The following FMN2 variants were observed in gnomAD, a reference collection of about 807,000 sequenced individuals.
The protein encoded by FMN2 is formin 2.
A neutral mutation model predicts 142.3 loss-of-function variants in FMN2; 51 were observed. That is an observed-to-expected ratio of 0.36 (90% CI 0.29 to 0.45). The LOEUF (loss-of-function observed/expected upper bound fraction) is 0.45. Among genes scored for constraint, FMN2 ranks in the 20% least tolerant of loss-of-function variants. The pLI is 1.00. For missense variants in FMN2, 1,936 were observed against 2,122.8 expected (o/e 0.91, Z 1.73); for synonymous variants, 882 against 869.8 (o/e 1.01, Z -0.25).
chr1:240,454,456 C>T (rs10926269), intron 16 of FMN2, among the ~76,000 whole-genome samples: 113,273 of 152,046 alleles, frequency 0.74, 42,362 homozygotes, highest in Middle Eastern at 0.82. Context: ...GCATGAGGCT[C>T]ACTTGAACCC....
At chr1:240,268,991 C>G (rs191049221) in intron 7 of FMN2, among the ~76,000 whole-genome samples, 1 of 152,102 alleles carries the variant, frequency 6.6e-6, no homozygotes, top group East Asian at 1.9e-4. Flanking sequence ...AATATTTTCT[C>G]CCAATTTGTG....
chr1:240,439,889 A>G (rs529289362), intron 16 of FMN2, among the ~76,000 whole-genome samples: 6 of 152,276 alleles, frequency 3.9e-5, no homozygotes, highest in African/African-American at 1.4e-4. Context: ...CTAAGTCCCT[A>G]CATTCCTCCT....
intron 16 of FMN2, among the ~76,000 whole-genome samples, chr1:240,445,342 G>A (rs984846823): frequency 1.3e-4 from 20 of 152,184 alleles, no homozygotes; most frequent in Non-Finnish European, 2.6e-4. Flanking sequence ...TGAAATCAGT[G>A]CTATGAGGAA....
At chr1:240,113,505 CCGAGATCA>C (rs1438761277) in intron 1 of FMN2, among the ~76,000 whole-genome samples, 1 of 145,888 alleles carries the variant, frequency 6.9e-6, no homozygotes, top group African/African-American at 2.6e-5. Context: ...TCGCAGTGAG[CCGAGATCA>C]CGACACTGCA....
At chr1:240,425,678 T>C (rs1477184003) in intron 15 of FMN2, among the ~76,000 whole-genome samples, 4 of 152,184 alleles carry the variant, frequency 2.6e-5, no homozygotes, top group Non-Finnish European at 4.4e-5. Flanking sequence ...AAGCATATAT[T>C]TGGTAAGCAG....
At chr1:240,400,289 A>G (rs1172709579) in intron 15 of FMN2, among the ~76,000 whole-genome samples, 1 of 152,174 alleles carries the variant, frequency 6.6e-6, no homozygotes, top group Non-Finnish European at 1.5e-5. Flanking sequence ...GTAGGGATCC[A>G]TGAATATATG....
intron 7 of FMN2, 126 bp downstream of exon 7, chr1:240,258,158 A>T (rs2102898063): frequency 3.1e-6 from 2 of 651,618 alleles, no homozygotes; most frequent in Non-Finnish European, 5.2e-6. Context: ...TATATCCCGT[A>T]AGTGTGATCA....
At chr1:240,098,793 G>A (rs1661310464) in intron 1 of FMN2, among the ~76,000 whole-genome samples, 1 of 152,096 alleles carries the variant, frequency 6.6e-6, no homozygotes, top group Non-Finnish European at 1.5e-5. Flanking sequence ...TTCAGGGATG[G>A]GTTTTAATGA....
At chr1:240,407,693 T>C (rs750614581) in intron 15 of FMN2, among the ~76,000 whole-genome samples, 28 of 152,148 alleles carry the variant, frequency 1.8e-4, no homozygotes, top group Non-Finnish European at 3.7e-4. Flanking sequence ...GTGTGCATTC[T>C]TCTACCTTTC....
chr1:240,152,167 A>G (rs1663810769), intron 2 of FMN2, among the ~76,000 whole-genome samples: 2 of 152,096 alleles, frequency 1.3e-5, no homozygotes, highest in African/African-American at 4.8e-5. Flanking sequence ...GAGGGTAGGT[A>G]CCACCATGGG....
Position 240,093,659 on chromosome 1 carries a change from C to T in FMN2, c.1550C>T (p.Pro517Leu). Residue 517 changes from proline (P) to leucine (L), a missense_variant, in exon 1 of 18, where the codon CCA (proline) becomes CTA (leucine). Pro to Leu is a moderately conservative substitution (Grantham distance 98, BLOSUM62 -3). Coordinates refer to ENST00000319653, the MANE Select transcript of FMN2 (RefSeq NM_020066.5). The stretch of plus-strand genomic sequence containing the variant: ...AGTGACAGCGGCGGTGGGGTGTCCC[C>T]AGCACTGGCCGCCAAGGCGTCTGGG... Reference protein sequence around the residue: ...VASDSGGGVSPALAAKASGAP... With the variant: ...VASDSGGGVSLALAAKASGAP... The T allele has an allele frequency of 7.2e-7, 1 of 1,379,650 alleles. No homozygotes were observed. Among genetic ancestry groups the T allele is most frequent in the East Asian group, 2.8e-5 (1 of 35,110 alleles). The allele number at this position is 1,379,650 out of a possible 1,614,324, so 85.5% of individuals were successfully genotyped here.
intron 8 of FMN2, among the ~76,000 whole-genome samples, chr1:240,301,001 T>C (rs1670181310): frequency 6.6e-6 from 1 of 152,196 alleles, no homozygotes; most frequent in South Asian, 2.1e-4. Flanking sequence ...CTGTGTTTTT[T>C]ATTCATTGTG....
intron 6 of FMN2, among the ~76,000 whole-genome samples, chr1:240,241,227 AT>A (rs1054910739): frequency 3.6e-4 from 51 of 141,110 alleles, no homozygotes; most frequent in African/African-American, 1.0e-3. Context: ...TCAACTCTGG[AT>A]TTTTTTTTTA....
chr1:240,228,143 A>C (rs1418154027), intron 6 of FMN2, among the ~76,000 whole-genome samples: 1 of 151,668 alleles, frequency 6.6e-6, no homozygotes, highest in East Asian at 1.9e-4. Context: ...ATCTCTACTA[A>C]AAATACAAAA....
At chr1:240,273,407 A>G (rs1305430161) in intron 7 of FMN2, among the ~76,000 whole-genome samples, 3 of 152,184 alleles carry the variant, frequency 2.0e-5, no homozygotes, top group African/African-American at 7.2e-5. Flanking sequence ...ATCTAAACAC[A>G]GGCATTCTGG....
In FMN2 at chr1:240,298,223, A is replaced by G. The variant is rs574744132; in HGVS notation, c.4215+3340A>G. ...TTATTTTGTGAGAGGGTGATTCACA[A>G]TTATTAGTTTAGGTAGTACCAGGTT... is the stretch of plus-strand genomic sequence containing the variant. On this transcript the variant is annotated intron_variant, in intron 8 of 17. Coordinates refer to ENST00000319653, the MANE Select transcript of FMN2 (RefSeq NM_020066.5). 2.6e-5 allele frequency among the ~76,000 whole-genome samples: 4 copies of G among 152,308 alleles called. No homozygotes were observed. The South Asian group carries it at 6.2e-4, about 24-fold the overall frequency.
At chr1:240,280,904 T>G (rs1413621775) in intron 7 of FMN2, among the ~76,000 whole-genome samples, 1 of 152,110 alleles carries the variant, frequency 6.6e-6, no homozygotes, top group Non-Finnish European at 1.5e-5. Context: ...AAAACAGAAA[T>G]GAAATACAAT....
rs182730429 is a variant in FMN2 at position 240,202,857 on chromosome 1, G to A, written c.1987-3942G>A. On this transcript the variant is annotated intron_variant, in intron 4 of 17. Transcript: ENST00000319653. Reference sequence around the variant, plus strand: ...TTATATTCAAATTTATGATGAAACAGAGCTGGCATAGGCAATAACATTTAC... The same window carrying A: ...TTATATTCAAATTTATGATGAAACAAAGCTGGCATAGGCAATAACATTTAC... 9.6e-4 allele frequency among the ~76,000 whole-genome samples: 146 copies of A among 152,260 alleles called. 1 individual carries two copies. The highest frequency in any genetic ancestry group is 9.0e-4 in the Non-Finnish European group (61 of 68,024).
chr1:240,267,515 G>A (rs576035174), intron 7 of FMN2, among the ~76,000 whole-genome samples: 7 of 151,698 alleles, frequency 4.6e-5, no homozygotes, highest in African/African-American at 9.7e-5. Context: ...GGAGAGGATC[G>A]GGAAAAATAA....
Sources: gnomAD v4.1 joint callset for allele counts (sites outside exome capture counted in the v4.1 genomes callset) on GRCh38, gnomAD v4.1.1 for gene constraint, MANE v1.5 for transcripts, NCBI Gene and HGNC (gene_info 2026-07-23, HGNC 2026-07-21) for gene names.